Variants in NPAS3 observed in about 807,000 individuals in gnomAD.
NPAS3 encodes the protein neuronal PAS domain protein 3, also known as neuronal PAS domain-containing protein 3.
A neutral mutation model predicts 73.1 loss-of-function variants in NPAS3; 14 were observed. The ratio of observed to expected loss-of-function variants is 0.19; its 90% confidence interval spans 0.13 to 0.30. The LOEUF (loss-of-function observed/expected upper bound fraction) is 0.30, where lower values mean the gene tolerates loss of function less well. Ranked by LOEUF, NPAS3 falls within the 10% of genes least tolerant of loss-of-function variation. The pLI is 1.00. For missense variants in NPAS3, 1,096 were observed against 1,250.0 expected, an observed-to-expected ratio of 0.88 and a Z score of 1.86; for synonymous variants, 620 against 541.5, an observed-to-expected ratio of 1.14 and a Z score of -2.01.
intron 4 of NPAS3, among the ~76,000 whole-genome samples, chr14:33,458,442 A>G (rs1373918645): frequency 6.6e-6 from 1 of 152,236 alleles, no homozygotes; most frequent in East Asian, 1.9e-4. Flanking sequence ...AACTTCTTTT[A>G]AGTCACATGG....
chr14:33,589,844 T>C (rs1362998754), intron 5 of NPAS3, among the ~76,000 whole-genome samples: 1 of 152,204 alleles, frequency 6.6e-6, no homozygotes, highest in Non-Finnish European at 1.5e-5. Context: ...TTAATTTTGT[T>C]GAGGAAGTTT....
exon 12 of NPAS3, chr14:33,799,878 A>G (rs374709498): frequency 1.5e-5 from 24 of 1,614,050 alleles, no homozygotes; most frequent in Middle Eastern, 1.6e-4. Context: ...AGTAACCCGG[A>G]CAGCCGCGAC....
At chr14:33,358,866 C>T (rs1313407819) in intron 3 of NPAS3, among the ~76,000 whole-genome samples, 1 of 152,220 alleles carries the variant, frequency 6.6e-6, no homozygotes, top group African/African-American at 2.4e-5. Flanking sequence ...GGTTGATACC[C>T]TTCCATATTA....
intron 7 of NPAS3, among the ~76,000 whole-genome samples, chr14:33,740,480 C>T (rs1384551859): frequency 1.3e-5 from 2 of 152,164 alleles, no homozygotes; most frequent in African/African-American, 2.4e-5. Context: ...GCTCTCTTTC[C>T]GATATACCAA....
chr14:33,563,537 C>CAG lies in NPAS3; in HGVS notation c.558+3354_558+3355dup, dbSNP rs1286632432. ...ATACATACACACACACACACACACA[C>CAG]AGAGAGAGAGAGAGAGAGAGAGAGA... is the stretch of plus-strand genomic sequence containing the variant. On this transcript the variant is annotated intron_variant, in intron 5 of 11. Coordinates refer to ENST00000356141, the Ensembl canonical transcript of NPAS3. Among the ~76,000 whole-genome samples, 243 of 119,680 alleles carry CAG rather than the reference C, an allele frequency of 2.0e-3. 1 individual carries two copies. The highest frequency in any genetic ancestry group is 0.011 in the South Asian group (40 of 3,702). The allele number at this position is 119,680 out of a possible 152,430, so 78.5% of individuals were successfully genotyped here.
At chr14:33,418,848 A>G (rs747782786) in intron 4 of NPAS3, among the ~76,000 whole-genome samples, 2 of 151,908 alleles carry the variant, frequency 1.3e-5, no homozygotes, top group Admixed American at 6.6e-5. Flanking sequence ...TTGTCCTACT[A>G]TATGCAAATC....
At chr14:33,575,810 G>A (rs970108264) in intron 5 of NPAS3, among the ~76,000 whole-genome samples, 8 of 152,048 alleles carry the variant, frequency 5.3e-5, no homozygotes, top group Admixed American at 2.0e-4. Context: ...TTTTGTTCAC[G>A]TCAAAGTAGA....
At chr14:33,704,922 C>T (rs1244218448) in intron 6 of NPAS3, among the ~76,000 whole-genome samples, 1 of 152,154 alleles carries the variant, frequency 6.6e-6, no homozygotes, top group African/African-American at 2.4e-5. Context: ...TTGCTATGCA[C>T]CCACACTTGA....
In NPAS3 at chr14:33,377,964, A is replaced by G. The variant is rs77351129; in HGVS notation, c.468+10696A>G. 3.5e-3 allele frequency among the ~76,000 whole-genome samples: 534 copies of G among 152,318 alleles called. 1 individual carries two copies. Among genetic ancestry groups the G allele is most frequent in the African/African-American group, 0.012 (513 of 41,576 alleles). On this transcript the variant is annotated intron_variant, in intron 4 of 11. Coordinates refer to ENST00000356141, the Ensembl canonical transcript of NPAS3. The stretch of plus-strand genomic sequence containing the variant: ...GATTTTGCCTCTCAGCATTCCCACT[A>G]TGAGTAGAGAAGAGCAATAAGAAAA...
intron 4 of NPAS3, among the ~76,000 whole-genome samples, chr14:33,440,989 G>A (rs776325714): frequency 4.6e-5 from 7 of 151,850 alleles, no homozygotes; most frequent in South Asian, 2.1e-4. Context: ...AGTGTGCCAC[G>A]GTAATAATGA....
intron 2 of NPAS3, among the ~76,000 whole-genome samples, chr14:33,059,288 A>T (rs987248279): frequency 6.6e-6 from 1 of 152,186 alleles, no homozygotes; most frequent in Non-Finnish European, 1.5e-5. Flanking sequence ...TATTTAAATG[A>T]TTAGACAATT....
At chr14:33,353,642 T>C (rs1212307652) in intron 3 of NPAS3, among the ~76,000 whole-genome samples, 2 of 152,174 alleles carry the variant, frequency 1.3e-5, no homozygotes, top group Non-Finnish European at 2.9e-5. Flanking sequence ...TCTTTGTAAA[T>C]CTCTATATAT....
chr14:33,166,317 T>C (rs573830233), intron 2 of NPAS3, among the ~76,000 whole-genome samples: 1 of 152,214 alleles, frequency 6.6e-6, no homozygotes, highest in East Asian at 1.9e-4. Context: ...CAGCAGAGAT[T>C]GCATCCTTCT....
intron 2 of NPAS3, among the ~76,000 whole-genome samples, chr14:33,174,035 T>C (rs995196846): frequency 1.3e-5 from 2 of 152,244 alleles, no homozygotes; most frequent in Non-Finnish European, 2.9e-5. Context: ...TGAGGAGGTT[T>C]CAGAGGTTTG....
chr14:33,030,515 G>A (rs1416822938), intron 1 of NPAS3, among the ~76,000 whole-genome samples: 1 of 152,114 alleles, frequency 6.6e-6, no homozygotes, highest in African/African-American at 2.4e-5. Context: ...ACAGCTAGCT[G>A]GCTTTTAAAA....
intron 2 of NPAS3, among the ~76,000 whole-genome samples, chr14:33,103,226 C>T (rs1329379495): frequency 6.6e-6 from 1 of 152,124 alleles, no homozygotes; most frequent in Non-Finnish European, 1.5e-5. Context: ...CACCTGGGGA[C>T]CGGCCATAGT....
Position 33,081,161 on chromosome 14 carries a change from G to A in NPAS3, c.140+25167G>A, listed in dbSNP as rs146571125. Among the ~76,000 whole-genome samples the A allele has an allele frequency of 5.3e-4, 81 of 152,238 alleles. No individual in the cohort carries two copies. In the East Asian group the frequency reaches 8.3e-3, roughly 16 times the overall value. On this transcript the variant is annotated intron_variant, in intron 2 of 11. Coordinates refer to ENST00000356141, the Ensembl canonical transcript of NPAS3. ...GCTCTATTATCAGATGATATTGGGC[G>A]TGTTCAGGGTGGTATGGCCGTAGAC...
At chr14:33,208,726 A>G (rs933778852) in intron 2 of NPAS3, among the ~76,000 whole-genome samples, 4 of 152,212 alleles carry the variant, frequency 2.6e-5, no homozygotes, top group African/African-American at 9.6e-5. Context: ...GATTTAGCAC[A>G]TCAAACAGTC....
At chr14:33,788,545 G>C (rs1054488919) in intron 9 of NPAS3, among the ~76,000 whole-genome samples, 1 of 152,214 alleles carries the variant, frequency 6.6e-6, no homozygotes, top group African/African-American at 2.4e-5. Flanking sequence ...AACTGAATTA[G>C]ACTGCTTCCT....
Sources: gnomAD v4.1 joint callset for allele counts (sites outside exome capture counted in the v4.1 genomes callset) on GRCh38, gnomAD v4.1.1 for gene constraint, MANE v1.5 for transcripts, NCBI Gene and HGNC (gene_info 2026-07-23, HGNC 2026-07-21) for gene names.